Variants in SPPL2A observed in about 807,000 individuals in gnomAD.
SPPL2A encodes signal peptide peptidase-like 2A.
A neutral mutation model predicts 63.8 loss-of-function variants in SPPL2A; 51 were observed. The observed-to-expected ratio is 0.80, with a 90% CI of 0.64 to 1.01. SPPL2A has a LOEUF of 1.01. SPPL2A is among the 50% of genes least tolerant of loss of function. SPPL2A has a pLI of 0.00. For missense variants in SPPL2A, 553 were observed against 622.7 expected (o/e 0.89, Z 1.19); for synonymous variants, 188 against 205.8 (o/e 0.91, Z 0.74).
intron 8 of SPPL2A, 25 bp from the exon 9 acceptor site, chr15:50,732,709 T>C (rs1387541365): frequency 7.9e-6 from 11 of 1,395,342 alleles, no homozygotes; most frequent in Middle Eastern, 3.5e-4. Context: ...TATTACTCTA[T>C]TGCTTTATCA....
intron 5 of SPPL2A, among the ~76,000 whole-genome samples, chr15:50,742,291 G>A (rs1567161993): frequency 6.6e-6 from 1 of 152,026 alleles, no homozygotes; most frequent in East Asian, 1.9e-4. Context: ...ATGGGAGGCT[G>A]AGGCAGGAGA....
chr15:50,738,708 C>T (rs116388115), intron 6 of SPPL2A, among the ~76,000 whole-genome samples: 118 of 152,228 alleles, frequency 7.8e-4, no homozygotes, highest in African/African-American at 2.6e-3. Context: ...ACCCTGGTCT[C>T]CCTTCTCTTT....
chr15:50,705,046 G>A lies in SPPL2A; in HGVS notation c.*2754C>T, dbSNP rs955730086. On this transcript the variant is annotated 3_prime_UTR_variant, in exon 15 of 15. Transcript: ENST00000261854. ...GTTATATGAAACCAAATTATTTTGA[G>A]AAATTATCTTATTTTGCCAGGCGCG... 3.9e-5 allele frequency: 6 copies of A among 152,030 alleles called. No individual in the cohort carries two copies. Among genetic ancestry groups the A allele is most frequent in the Non-Finnish European group, 8.8e-5 (6 of 67,984 alleles). The allele number at this position is 152,030 out of a possible 1,614,324, so 9.4% of individuals were successfully genotyped here. A position where few individuals can be genotyped will look rare whatever the true frequency, so the allele number is the denominator to read the frequency against.
At position 50,702,285 on chromosome 15, in the gene SPPL2A, T is replaced by G. The variant is rs2062482564; in HGVS notation, c.*5515A>C. The G allele has an allele frequency of 6.6e-6, 1 of 152,212 alleles. No individual in the cohort carries two copies. The highest frequency in any genetic ancestry group is 2.4e-5 in the African/African-American group (1 of 41,464). 9.4% of individuals were successfully genotyped at this position (152,212 alleles called of 1,614,324 possible). On this transcript the variant is annotated 3_prime_UTR_variant, in exon 15 of 15. Transcript: ENST00000261854. ...TTCAAATTTTATTTTAAAATAGAAT[T>G]TATTGAATACCATAGTATATTAAAT... is the stretch of plus-strand genomic sequence containing the variant.
intron 14 of SPPL2A, among the ~76,000 whole-genome samples, chr15:50,708,761 C>T (rs747576193): frequency 2.0e-4 from 31 of 151,352 alleles, no homozygotes; most frequent in Admixed American, 2.6e-4. Flanking sequence ...CAGCTGGGCA[C>T]GGTGGCTCAT....
intron 4 of SPPL2A, 86 bp from the exon 5 acceptor site, chr15:50,747,714 A>G (rs2062869728): frequency 1.1e-6 from 1 of 927,642 alleles, no homozygotes; most frequent in Non-Finnish European, 1.7e-6. Flanking sequence ...TTCACTCTGG[A>G]ATGGACATTA....
At chr15:50,709,490 G>A (rs1295256046) in intron 14 of SPPL2A, among the ~76,000 whole-genome samples, 1 of 152,086 alleles carries the variant, frequency 6.6e-6, no homozygotes, top group Middle Eastern at 3.4e-3. Context: ...AATGGAGACA[G>A]CTTACAAAAT....
Position 50,705,549 on chromosome 15 carries a change from T to C in SPPL2A, c.*2251A>G, listed in dbSNP as rs2062501688. On this transcript the variant is annotated 3_prime_UTR_variant, in exon 15 of 15. Transcript: ENST00000261854. ...TTAAAACGGCACTTAATCTGTTCTCTCTCTCAGAGTCTGCCAAATAAATCA... is the reference window on the plus strand; with the variant it reads ...TTAAAACGGCACTTAATCTGTTCTCCCTCTCAGAGTCTGCCAAATAAATCA... 2 of 152,186 alleles carry C rather than the reference T, an allele frequency of 1.3e-5. No individual in the cohort carries two copies. Among genetic ancestry groups the C allele is most frequent in the Admixed American group, 1.3e-4 (2 of 15,262 alleles). 9.4% of individuals were successfully genotyped at this position (152,186 alleles called of 1,614,324 possible).
At chr15:50,762,905 T>TC in intron 1 of SPPL2A, among the ~76,000 whole-genome samples, 1 of 149,982 alleles carries the variant, frequency 6.7e-6, no homozygotes, top group Admixed American at 6.7e-5. Context: ...GCTAATTTTT[T>TC]TTTTTTTGTA....
chr15:50,748,255 TA>T, intron 3 of SPPL2A, 53 bp from the exon 4 acceptor site: 3 of 654,082 alleles, frequency 4.6e-6, no homozygotes, highest in Non-Finnish European at 7.3e-6. Flanking sequence ...ATTTATAGAA[TA>T]AAATACTATT....
intron 6 of SPPL2A, among the ~76,000 whole-genome samples, chr15:50,737,203 C>T (rs1423823618): frequency 6.6e-6 from 1 of 152,144 alleles, no homozygotes; most frequent in Non-Finnish European, 1.5e-5. Flanking sequence ...TGAGCCACTG[C>T]ACCCAGCTGT....
chr15:50,732,096 C>T (rs953486980), intron 9 of SPPL2A, among the ~76,000 whole-genome samples: 6 of 151,768 alleles, frequency 4.0e-5, no homozygotes, highest in Admixed American at 6.6e-5. Flanking sequence ...CTCTACAAAA[C>T]CAAACAAACA....
chr15:50,750,098 C>T (rs372107271), intron 1 of SPPL2A, among the ~76,000 whole-genome samples: 66 of 152,182 alleles, frequency 4.3e-4, no homozygotes, highest in African/African-American at 1.5e-3. Context: ...ATTATTACTT[C>T]ATTGTTTATA....
At chr15:50,755,659 A>G (rs1196931316) in intron 1 of SPPL2A, among the ~76,000 whole-genome samples, 1 of 145,856 alleles carries the variant, frequency 6.9e-6, no homozygotes, top group Non-Finnish European at 1.5e-5. Flanking sequence ...AAAAAAAAGA[A>G]GAAAAGAAAA....
intron 1 of SPPL2A, among the ~76,000 whole-genome samples, chr15:50,761,373 T>C (rs762830992): frequency 6.6e-6 from 1 of 152,096 alleles, no homozygotes; most frequent in African/African-American, 2.4e-5. Context: ...CCCCACACTT[T>C]GGGAGGATGA....
Position 50,765,495 on chromosome 15 carries a change from G to C in SPPL2A, c.39C>G (p.Ala13=), listed in dbSNP as rs1013150409. Residue 13 remains alanine, a synonymous_variant, in exon 1 of 15, where the codon GCC becomes GCG. Coordinates refer to ENST00000261854, the MANE Select transcript of SPPL2A (RefSeq NM_032802.4). ...GCTGGAGCAGGAAGCCCCAGAGTAG[G>C]GCGGCCCCGGCAGGGGACAGCCGCC... ...PQRRLSPAGA[A]LLWGFLLQLT... is the part of the protein sequence containing the mutation. 14 of 1,502,926 alleles carry C rather than the reference G, an allele frequency of 9.3e-6. No homozygotes were observed. In the Admixed American group the frequency reaches 1.3e-4, roughly 14 times the overall value. The allele number at this position is 1,502,926 out of a possible 1,614,324, so 93.1% of individuals were successfully genotyped here. A position where few individuals can be genotyped will look rare whatever the true frequency, so the allele number is the denominator to read the frequency against.
Position 50,719,989 on chromosome 15 carries a change from G to A in SPPL2A, c.1439C>T (p.Ala480Val). The change falls in exon 14 of 15, where the codon GCC (alanine) becomes GTC (valine). Residue 480 changes from alanine to valine, a missense_variant. Physicochemically the swap from Ala to Val is moderately conservative, Grantham distance 64. Coordinates refer to ENST00000261854, the MANE Select transcript of SPPL2A (RefSeq NM_032802.4). ...CTTTTTCATTTCCTTACGTCTCCAG[G>A]CAACAACTGAGGCAGTAATAAGTGT... ...PCTLITASVV[A>V]WRRKEMKKFW... 1 of 1,613,668 alleles carries A rather than the reference G, an allele frequency of 6.2e-7. No homozygotes were observed. The highest frequency in any genetic ancestry group is 8.5e-7 in the Non-Finnish European group (1 of 1,179,768).
In SPPL2A at chr15:50,712,049, C is replaced by T. The variant is rs77717505; in HGVS notation, c.1489-4175G>A. ...ACACACATGCAAAAGTAACTAAAGG[C>T]CAGTGGATGAAGGATTGAGCATTAG... On this transcript the variant is annotated intron_variant, in intron 14 of 14. Transcript: ENST00000261854. Among the ~76,000 whole-genome samples, 904 of 152,160 alleles carry T rather than the reference C, an allele frequency of 5.9e-3. 15 individuals carry two copies. The highest frequency in any genetic ancestry group is 0.021 in the African/African-American group (869 of 41,506).
intron 14 of SPPL2A, among the ~76,000 whole-genome samples, chr15:50,710,705 G>T (rs956049421): frequency 6.6e-6 from 1 of 152,142 alleles, no homozygotes; most frequent in African/African-American, 2.4e-5. Context: ...TTAATGCAGG[G>T]TAACTGGAGA....
Sources: gnomAD v4.1 joint callset for allele counts (sites outside exome capture counted in the v4.1 genomes callset) on GRCh38, gnomAD v4.1.1 for gene constraint, MANE v1.5 for transcripts, NCBI Gene and HGNC (gene_info 2026-07-23, HGNC 2026-07-21) for gene names.